The following TYMS variants were observed in gnomAD, a reference collection of about 807,000 sequenced individuals.
TYMS encodes thymidylate synthetase, also known as thymidylate synthase.
In TYMS, 21 loss-of-function variants were observed where a neutral mutation model predicts 39.3. The observed-to-expected ratio is 0.54, with a 90% CI of 0.38 to 0.77. TYMS has a LOEUF of 0.77. Ranked by LOEUF, TYMS falls within the 30% of genes least tolerant of loss-of-function variation. The pLI is 0.00. For synonymous variants in TYMS, 171 were observed against 162.2 expected (o/e 1.05, Z -0.41); for missense variants, 273 against 406.7 (o/e 0.67, Z 2.83).
chr18:666,431 C>G (rs1158702580), intron 3 of TYMS, among the ~76,000 whole-genome samples: 1 of 152,186 alleles, frequency 6.6e-6, no homozygotes, highest in African/African-American at 2.4e-5. Flanking sequence ...ACATCTCACT[C>G]CTGGACTTCC....
Position 673,141 on chromosome 18 carries a change from T to C in TYMS, c.*144T>C. 1 of 883,876 alleles carries C rather than the reference T, an allele frequency of 1.1e-6. No homozygotes were observed. Among genetic ancestry groups the C allele is most frequent in the South Asian group, 3.2e-5 (1 of 31,596 alleles). 54.8% of individuals were successfully genotyped at this position (883,876 alleles called of 1,614,324 possible). ...CCTATCAGTTATTAATTTTTAAGGA[T>C]GTTGCCACTGGCAAATGTAACTGTG... On this transcript the variant is annotated 3_prime_UTR_variant, in exon 7 of 7. Coordinates refer to ENST00000323274, the MANE Select transcript of TYMS (RefSeq NM_001071.4).
intron 3 of TYMS, among the ~76,000 whole-genome samples, chr18:666,780 T>C (rs561363081): frequency 6.6e-6 from 1 of 152,358 alleles, no homozygotes; most frequent in South Asian, 2.1e-4. Context: ...GGCAAGTTCT[T>C]AAAGGCAGAA....
In TYMS at chr18:660,156, A is replaced by G. The variant is rs73366479; in HGVS notation, c.279+442A>G. 0.024 allele frequency among the ~76,000 whole-genome samples: 3,600 copies of G among 152,278 alleles called. 150 individuals carry two copies. The highest frequency in any genetic ancestry group is 0.083 in the African/African-American group (3,455 of 41,548). On this transcript the variant is annotated intron_variant, in intron 2 of 6. Coordinates refer to ENST00000323274, the MANE Select transcript of TYMS (RefSeq NM_001071.4). The surrounding 1 kb of genome is among the most constrained non-coding windows in gnomAD (Gnocchi z 4.6). Reference sequence around the variant, plus strand: ...GGCTCCATTTCACTCAGTAAGAGCCACGGTCCTTATGGTGTCCGTTTTTCA... The same window carrying G: ...GGCTCCATTTCACTCAGTAAGAGCCGCGGTCCTTATGGTGTCCGTTTTTCA...
At chr18:671,224 A>AT in intron 5 of TYMS, 156 bp from the exon 6 acceptor site, 1 of 650,704 alleles carries the variant, frequency 1.5e-6, no homozygotes, top group Non-Finnish European at 2.7e-6. Context: ...CCTGGGCAAC[A>AT]TAACAAGATG....
At chr18:669,434 G>GT (rs1264040247) in intron 4 of TYMS, 2 of 329,494 alleles carry the variant, frequency 6.1e-6, no homozygotes, top group East Asian at 1.1e-4. Flanking sequence ...ATGCAACGGC[G>GT]TGATCTTGGC....
chr18:666,980 GA>G (rs1295518621), intron 3 of TYMS, among the ~76,000 whole-genome samples: 1 of 14,268 alleles, frequency 7.0e-5, no homozygotes, highest in Non-Finnish European at 1.5e-4. Flanking sequence ...GATGGAGATG[GA>G]GATGGTGATG....
intron 6 of TYMS, chr18:672,643 A>C: frequency 2.5e-6 from 1 of 400,202 alleles, no homozygotes; most frequent in Non-Finnish European, 4.5e-6. Flanking sequence ...GATGCTGTGT[A>C]ATGTCACAAA....
Position 667,529 on chromosome 18 carries a change from AGATGGT to A in TYMS, c.455-1525_455-1520del, listed in dbSNP as rs1332006193. Among the ~76,000 whole-genome samples the A allele has an allele frequency of 8.3e-4, 14 of 16,946 alleles. 1 individual carries two copies. In the East Asian group the frequency reaches 0.01, roughly 12 times the overall value. 11.1% of individuals were successfully genotyped at this position (16,946 alleles called of 152,430 possible). ...GTGATGGTGATGGTGATGGTGATGGAGATGGTGATGGTGATGGTGATGGAGATGGTG... is the reference window on the plus strand; with the variant it reads ...GTGATGGTGATGGTGATGGTGATGGAGATGGTGATGGTGATGGAGATGGTG... On this transcript the variant is annotated intron_variant, in intron 3 of 6. Coordinates refer to ENST00000323274, the MANE Select transcript of TYMS (RefSeq NM_001071.4).
In TYMS at chr18:658,985, T is replaced by C. The variant is rs1324504040; in HGVS notation, c.206-656T>C. On this transcript the variant is annotated intron_variant, in intron 1 of 6. Coordinates refer to ENST00000323274, the MANE Select transcript of TYMS (RefSeq NM_001071.4). This position sits in a 1 kb window ranked among gnomAD's most constrained non-coding sequence, Gnocchi z 4.5. ...GTCTGAGGAGAGGGATCCACTTTTC[T>C]GCAGCTCCAAGCCCAGGGGCCTTTG... 6.6e-6 allele frequency among the ~76,000 whole-genome samples: 1 copy of C among 152,238 alleles called. No individual in the cohort carries two copies. Among genetic ancestry groups the C allele is most frequent in the Non-Finnish European group, 1.5e-5 (1 of 68,042 alleles).
At position 658,538 on chromosome 18, in the gene TYMS, ATAAG is replaced by A. The variant is rs2074719780; in HGVS notation, c.205+593_205+596del. The A allele has an allele frequency of 4.7e-6, 1 of 213,962 alleles. No homozygotes were observed. The highest frequency in any genetic ancestry group is 5.8e-5 in the African/African-American group (1 of 17,278). The allele number at this position is 213,962 out of a possible 1,614,324, so 13.3% of individuals were successfully genotyped here. A position where few individuals can be genotyped will look rare whatever the true frequency, so the allele number is the denominator to read the frequency against. ...AAAAGAGAAATTCGGGAGTTCGAGT[ATAAG>A]TTCTTAGTCGTCCTTTCCTCTTTCC... On this transcript the variant is annotated intron_variant, in intron 1 of 6. Coordinates refer to ENST00000323274, the MANE Select transcript of TYMS (RefSeq NM_001071.4). This position sits in a 1 kb window ranked among gnomAD's most constrained non-coding sequence, Gnocchi z 4.5.
At chr18:666,277 G>A (rs1268792524) in intron 3 of TYMS, among the ~76,000 whole-genome samples, 2 of 151,618 alleles carry the variant, frequency 1.3e-5, no homozygotes, top group Non-Finnish European at 2.9e-5. Flanking sequence ...GTGGGACAAG[G>A]GACAAAATGC....
At position 657,684 on chromosome 18, in the gene TYMS, TGGCC is replaced by T. The variant is rs1567985143; in HGVS notation, c.-58_-55del. The T allele has an allele frequency of 1.6e-4, 191 of 1,212,828 alleles. 1 individual carries two copies. Among genetic ancestry groups the T allele is most frequent in the Non-Finnish European group, 1.9e-4 (176 of 948,080 alleles). 75.1% of individuals were successfully genotyped at this position (1,212,828 alleles called of 1,614,324 possible). A position where few individuals can be genotyped will look rare whatever the true frequency, so the allele number is the denominator to read the frequency against. Reference sequence around the variant, plus strand: ...CCTGCCTCCGTCCCGCCGCGCCACTTGGCCTGCCTCCGTCCCGCCGCGCCACTTC... The same window carrying T: ...CCTGCCTCCGTCCCGCCGCGCCACTTTGCCTCCGTCCCGCCGCGCCACTTC... On this transcript the variant is annotated 5_prime_UTR_variant, in exon 1 of 7. Coordinates refer to ENST00000323274, the MANE Select transcript of TYMS (RefSeq NM_001071.4).
rs935161142 is a variant in TYMS at position 670,563 on chromosome 18, A to G, written c.557-129A>G. ...CAGAGGCTGTTATGGACATCACTGCAGCCCAGTGGCTCTCTCTCCTGGTCT... is the reference window on the plus strand; with the variant it reads ...CAGAGGCTGTTATGGACATCACTGCGGCCCAGTGGCTCTCTCTCCTGGTCT... On this transcript the variant is annotated intron_variant, in intron 4 of 6. Coordinates refer to ENST00000323274, the MANE Select transcript of TYMS (RefSeq NM_001071.4). The G allele has an allele frequency of 4.2e-6, 4 of 948,722 alleles. No homozygotes were observed. The African/African-American group carries it at 6.5e-5, about 16-fold the overall frequency. 58.8% of individuals were successfully genotyped at this position (948,722 alleles called of 1,614,324 possible).
rs1470546970 is a variant in TYMS, at chr18:657,833, C to T, written c.91C>T (p.Leu31=). 6.1e-6 allele frequency: 9 copies of T among 1,483,534 alleles called. No individual in the cohort carries two copies. The highest frequency in any genetic ancestry group is 1.5e-5 in the African/African-American group (1 of 67,436). The allele number at this position is 1,483,534 out of a possible 1,614,324, so 91.9% of individuals were successfully genotyped here. ...DAEPRPPHGE[L]QYLGQIQHIL... Reference sequence around the variant, plus strand: ...CGAGCCGCGTCCGCCGCACGGGGAGCTGCAGTACCTGGGGCAGATCCAACA... The same window carrying T: ...CGAGCCGCGTCCGCCGCACGGGGAGTTGCAGTACCTGGGGCAGATCCAACA... The change falls in exon 1 of 7, where the codon CTG becomes TTG. Residue 31 remains leucine, a synonymous_variant. Coordinates refer to ENST00000323274, the MANE Select transcript of TYMS (RefSeq NM_001071.4).
In TYMS at chr18:658,450, G is replaced by A. The variant is rs1464240250; in HGVS notation, c.205+503G>A. ...GAGGAGAGCACTGAAGCTGGCGCGG[G>A]AACTTGGTTTCCTGGTGGCCTCCCA... On this transcript the variant is annotated intron_variant, in intron 1 of 6. Coordinates refer to ENST00000323274, the MANE Select transcript of TYMS (RefSeq NM_001071.4). This position sits in a 1 kb window ranked among gnomAD's most constrained non-coding sequence, Gnocchi z 4.5. The A allele has an allele frequency of 5.0e-6, 4 of 793,630 alleles. No homozygotes were observed. The African/African-American group carries it at 5.6e-5, about 11-fold the overall frequency. 49.2% of individuals were successfully genotyped at this position (793,630 alleles called of 1,614,324 possible).
Position 672,991 on chromosome 18 carries a change from T to A in TYMS, c.936T>A (p.Ala312=), listed in dbSNP as rs983875481. 2 of 1,562,108 alleles carry A rather than the reference T, an allele frequency of 1.3e-6. No homozygotes were observed. Among genetic ancestry groups the A allele is most frequent in the African/African-American group, 2.7e-5 (2 of 74,252 alleles). The change falls in exon 7 of 7, where the codon GCT becomes GCA. Residue 312 remains alanine (A), a synonymous_variant. Transcript: ENST00000323274. ...ATCCAACTATTAAAATGGAAATGGC[T>A]GTTTAGGGTGCTTTCAAAGGAGCTC... ...NPHPTIKMEM[A]V
intron 3 of TYMS, among the ~76,000 whole-genome samples, chr18:667,363 GA>G (rs796789750): frequency 3.4e-5 from 1 of 29,552 alleles, no homozygotes; most frequent in African/African-American, 1.7e-4. Flanking sequence ...GATGGTGATG[GA>G]GATGGTGATG....
rs1491559672 is a variant in TYMS at position 667,991 on chromosome 18, A to AT, written c.455-1081_455-1080insT. On this transcript the variant is annotated intron_variant, in intron 3 of 6. Coordinates refer to ENST00000323274, the MANE Select transcript of TYMS (RefSeq NM_001071.4). Reference sequence around the variant, plus strand: ...TAATTTTGTTTTACAGATTCACAGGAATTTTTTTTTTTTTTTTTTTAATGC... The same window carrying AT: ...TAATTTTGTTTTACAGATTCACAGGATATTTTTTTTTTTTTTTTTTTAATGC... 1.1e-4 allele frequency among the ~76,000 whole-genome samples: 8 copies of AT among 74,910 alleles called. No individual in the cohort carries two copies. In the East Asian group the frequency reaches 6.5e-3, roughly 61 times the overall value. The allele number at this position is 74,910 out of a possible 152,430, so 49.1% of individuals were successfully genotyped here.
intron 1 of TYMS, among the ~76,000 whole-genome samples, chr18:659,040 C>T (rs963365825): frequency 2.0e-5 from 3 of 152,178 alleles, no homozygotes; most frequent in Admixed American, 2.0e-4. Flanking sequence ...TTTAACCCAC[C>T]TTTCTGCTTA....
Sources: allele counts gnomAD v4.1 joint callset (sites outside exome capture counted in the v4.1 genomes callset), GRCh38; gene constraint gnomAD v4.1.1; non-coding constraint Gnocchi (gnomAD v3.1); transcripts MANE v1.5; gene names NCBI Gene and HGNC (gene_info 2026-07-23, HGNC 2026-07-21).